Variants in SPIN3 observed in about 807,000 individuals in gnomAD.
SPIN3 encodes the protein spindlin family member 3, also known as spindlin-3.
For missense variants in SPIN3, 176 were observed against 196.4 expected (o/e 0.90, Z 0.62); for synonymous variants, 74 against 74.3 (o/e 1.00, Z 0.02).
chrX:56,987,858 C>T (rs188846303), downstream of SPIN3, among the ~76,000 whole-genome samples: 231 of 112,151 alleles, frequency 2.1e-3, 1 homozygote, highest in African/African-American at 7.2e-3. Flanking sequence ...TTACATGTCA[C>T]TGGAGCACTG....
At chrX:56,979,436 C>T (rs1924070508) in intron 3 of SPIN3, 1 of 111,634 alleles carries the variant, frequency 9.0e-6, no homozygotes, top group Non-Finnish European at 1.9e-5. Flanking sequence ...AACCCAGAAA[C>T]AAAAACACAG....
chrX:56,978,288 T>C (rs1924046525), intron 5 of SPIN3: 1 of 112,557 alleles, frequency 8.9e-6, no homozygotes, highest in Non-Finnish European at 1.9e-5. Context: ...GAGGCAGGCC[T>C]TACCTTGACT....
At chrX:56,979,667 A>G (rs1331298141) in intron 3 of SPIN3, 2 of 111,855 alleles carry the variant, frequency 1.8e-5, no homozygotes, top group Admixed American at 1.9e-4. Flanking sequence ...ATTCTAAACC[A>G]TGTTAAAACA....
intron 2 of SPIN3, among the ~76,000 whole-genome samples, chrX:56,985,433 G>A (rs1419888881): frequency 8.9e-6 from 1 of 112,370 alleles, no homozygotes; most frequent in African/African-American, 3.2e-5. Context: ...TCCAAAGACG[G>A]ATTAGTGTAG....
Position 56,994,235 on chromosome X carries a change from A to G in SPIN3, c.713T>C (p.Val238Ala). ...ATCATCATCAAATTTGATGAAGTAC[A>G]CAGAGGGTTTTGCTTCTACCTGATG... ...VIHQVEAKPS[V>A]YFIKFDDDFH... The change falls in exon 2 of 2, where the codon GTG (valine) becomes GCG (alanine). Residue 238 changes from valine (V) to alanine (A), a missense_variant. By Grantham distance (64) the Val-to-Ala change is moderately conservative. Transcript: ENST00000374919. The G allele has an allele frequency of 8.3e-7, 1 of 1,211,342 alleles. No homozygotes were observed. Among genetic ancestry groups the G allele is most frequent in the East Asian group, 3.0e-5 (1 of 33,837 alleles).
chrX:56,992,177 C>A lies in SPIN3; in HGVS notation c.*1994G>T, dbSNP rs979662885. ...TATGGGGTTCCTTCAGCAGCTGCAGCCTTGGCTGTCTTCCTCTTGACTGGG... is the reference window on the plus strand; with the variant it reads ...TATGGGGTTCCTTCAGCAGCTGCAGACTTGGCTGTCTTCCTCTTGACTGGG... On this transcript the variant is annotated 3_prime_UTR_variant, in exon 2 of 2. Coordinates refer to ENST00000374919, the MANE Select transcript of SPIN3 (RefSeq NM_001010862.3). 6.8e-6 allele frequency: 2 copies of A among 296,017 alleles called. No individual in the cohort carries two copies. The highest frequency in any genetic ancestry group is 1.2e-5 in the Non-Finnish European group (2 of 170,154). The allele number at this position is 296,017 out of a possible 1,213,427, so 24.4% of individuals were successfully genotyped here.
chrX:56,975,205 C>A (rs1310002431), downstream of SPIN3: 1 of 112,166 alleles, frequency 8.9e-6, no homozygotes, highest in African/African-American at 3.2e-5. Context: ...AACATGTGCC[C>A]AAGGCGGTTG....
chrX:56,977,597 T>C (rs1357480739), intron 5 of SPIN3: 9 of 112,208 alleles, frequency 8.0e-5, no homozygotes, highest in Admixed American at 6.6e-4. Flanking sequence ...CATGCATGCA[T>C]AAAAATACAC....
At chrX:56,988,950 C>T (rs1370854873), downstream of SPIN3, among the ~76,000 whole-genome samples, 1 of 111,904 alleles carries the variant, frequency 8.9e-6, no homozygotes, top group African/African-American at 3.2e-5. Flanking sequence ...CAAGATATGC[C>T]TCCAAGAGAG....
intron 3 of SPIN3, chrX:56,982,213 C>G (rs1276863025): frequency 9.0e-6 from 1 of 111,049 alleles, no homozygotes; most frequent in Admixed American, 9.6e-5. Context: ...AACCCCTTAT[C>G]CTGAATGCAT....
chrX:56,994,978 G>C, intron 1 of SPIN3, 29 bp from the exon 2 acceptor site: 1 of 1,136,965 alleles, frequency 8.8e-7, no homozygotes, highest in Non-Finnish European at 1.2e-6. Context: ...TTGCCAGGTG[G>C]ACCGAGAAAG....
At position 56,992,210 on chromosome X, in the gene SPIN3, C is replaced by A. The variant is rs1012881039; in HGVS notation, c.*1961G>T. 1.0e-5 allele frequency: 3 copies of A among 295,739 alleles called. No individual in the cohort carries two copies. The highest frequency in any genetic ancestry group is 1.8e-5 in the Non-Finnish European group (3 of 170,121). 24.4% of individuals were successfully genotyped at this position (295,739 alleles called of 1,213,427 possible). ...GTCTTCCTCTTGACTGGGTGAAGTTCCTTCAGGACCTCAGGAGTTGAATTA... is the reference window on the plus strand; with the variant it reads ...GTCTTCCTCTTGACTGGGTGAAGTTACTTCAGGACCTCAGGAGTTGAATTA... On this transcript the variant is annotated 3_prime_UTR_variant, in exon 2 of 2. Transcript: ENST00000374919.
chrX:56,979,893 C>T (rs1157664418), intron 3 of SPIN3: 2 of 112,259 alleles, frequency 1.8e-5, no homozygotes, highest in East Asian at 2.8e-4. Flanking sequence ...ATTAAGACCT[C>T]GTTCATAGGA....
intron 3 of SPIN3, chrX:56,982,090 GT>G (rs1435842816): frequency 2.7e-5 from 3 of 111,563 alleles, no homozygotes; most frequent in African/African-American, 6.5e-5. Flanking sequence ...TGACTCCATC[GT>G]TACTTGGAGA....
At chrX:56,977,983 T>C (rs1415541812) in intron 5 of SPIN3, 1 of 111,896 alleles carries the variant, frequency 8.9e-6, no homozygotes, top group Non-Finnish European at 1.9e-5. Context: ...AATTTTCAGG[T>C]ATTTTGTTAT....
chrX:56,978,218 T>G (rs770672986), intron 5 of SPIN3: 22 of 112,357 alleles, frequency 2.0e-4, no homozygotes, highest in Non-Finnish European at 3.9e-4. Flanking sequence ...CAGAATTTCC[T>G]CCAAAGGGAA....
At chrX:56,975,909 T>C (rs1256286426), downstream of SPIN3, 1 of 111,077 alleles carries the variant, frequency 9.0e-6, no homozygotes, top group African/African-American at 3.3e-5. Context: ...CCTAGATGTG[T>C]GTGTAAGCCT....
downstream of SPIN3, among the ~76,000 whole-genome samples, chrX:56,986,390 T>C (rs1924222777): frequency 8.9e-6 from 1 of 111,855 alleles, no homozygotes. Context: ...ATGCAAATAT[T>C]AGGAAAAAAT....
chrX:56,978,077 T>C (rs1924042774), intron 5 of SPIN3: 1 of 112,166 alleles, frequency 8.9e-6, no homozygotes, highest in African/African-American at 3.2e-5. Context: ...CTAGGAGCTG[T>C]GTTGGACTTG....
Sources: allele counts gnomAD v4.1 joint callset (sites outside exome capture counted in the v4.1 genomes callset), GRCh38; gene constraint gnomAD v4.1.1; transcripts MANE v1.5; gene names NCBI Gene and HGNC (gene_info 2026-07-23, HGNC 2026-07-21).